The following SLC35F3 variants were observed in gnomAD, a reference collection of about 807,000 sequenced individuals.
SLC35F3 encodes the protein putative thiamine transporter SLC35F3.
In SLC35F3, 25 loss-of-function variants were observed where a neutral mutation model predicts 49.9. The ratio of observed to expected loss-of-function variants is 0.50; its 90% CI spans 0.37 to 0.70. The LOEUF (loss-of-function observed/expected upper bound fraction) is 0.70. SLC35F3 is among the 30% of genes least tolerant of loss of function. SLC35F3 has a pLI of 0.00. For missense variants in SLC35F3, 525 were observed against 639.8 expected (o/e 0.82, Z 1.94); for synonymous variants, 275 against 265.4 (o/e 1.04, Z -0.35).
intron 2 of SLC35F3, among the ~76,000 whole-genome samples, chr1:234,100,341 C>CA (rs1665195924): frequency 6.6e-6 from 1 of 152,138 alleles, no homozygotes; most frequent in South Asian, 2.1e-4. Flanking sequence ...ACAATATTTC[C>CA]AATAACAGTT....
intron 2 of SLC35F3, among the ~76,000 whole-genome samples, chr1:233,923,751 T>C (rs540345024): frequency 6.6e-6 from 1 of 152,306 alleles, no homozygotes; most frequent in African/African-American, 2.4e-5. Flanking sequence ...TGCTTCCAGT[T>C]TTTGCCCATT....
intron 5 of SLC35F3, among the ~76,000 whole-genome samples, chr1:234,317,714 G>A (rs982913015): frequency 6.6e-6 from 1 of 152,136 alleles, no homozygotes; most frequent in Admixed American, 6.5e-5. Flanking sequence ...TTCTTTCTCT[G>A]AGCACCTCTC....
intron 2 of SLC35F3, among the ~76,000 whole-genome samples, chr1:234,219,663 C>A (rs557039017): frequency 6.6e-6 from 1 of 152,184 alleles, no homozygotes. Context: ...ATGGCCCCTG[C>A]GCAGCACTCT....
intron 2 of SLC35F3, among the ~76,000 whole-genome samples, chr1:233,944,219 A>G (rs966935026): frequency 8.5e-5 from 13 of 152,240 alleles, no homozygotes; most frequent in African/African-American, 2.9e-4. Flanking sequence ...TGAGACACAA[A>G]AAAACATCCA....
intron 3 of SLC35F3, among the ~76,000 whole-genome samples, chr1:234,255,934 C>G (rs976056730): frequency 6.6e-5 from 10 of 152,020 alleles, no homozygotes; most frequent in African/African-American, 9.7e-5. Context: ...AAAGAGTAAG[C>G]CCTAATTTAA....
intron 3 of SLC35F3, among the ~76,000 whole-genome samples, chr1:234,237,360 A>G (rs982832672): frequency 6.6e-6 from 1 of 152,208 alleles, no homozygotes; most frequent in Admixed American, 6.5e-5. Context: ...TTGAGACTAC[A>G]TCACACTCTT....
intron 2 of SLC35F3, among the ~76,000 whole-genome samples, chr1:233,964,180 C>G (rs1201947124): frequency 6.6e-6 from 1 of 152,200 alleles, no homozygotes; most frequent in Non-Finnish European, 1.5e-5. Flanking sequence ...TCCACACTTG[C>G]ACCACTCTGA....
chr1:234,187,435 A>G (rs985630631), intron 2 of SLC35F3, among the ~76,000 whole-genome samples: 2 of 152,198 alleles, frequency 1.3e-5, no homozygotes, highest in African/African-American at 4.8e-5. Context: ...TTTCACTCGG[A>G]TGGATAGAGC....
intron 2 of SLC35F3, among the ~76,000 whole-genome samples, chr1:233,933,927 TCTTA>T (rs1268345708): frequency 2.6e-5 from 4 of 152,182 alleles, no homozygotes; most frequent in African/African-American, 4.8e-5. Context: ...GAGGAGGGAC[TCTTA>T]CTTTATTTCC....
intron 2 of SLC35F3, among the ~76,000 whole-genome samples, chr1:233,941,967 T>G (rs910385664): frequency 4.0e-5 from 6 of 149,374 alleles, no homozygotes; most frequent in African/African-American, 9.8e-5. Flanking sequence ...TTTTTGTTTT[T>G]TTTTTTTTTT....
At chr1:233,922,500 T>TTG (rs1662080522) in intron 2 of SLC35F3, among the ~76,000 whole-genome samples, 1 of 150,848 alleles carries the variant, frequency 6.6e-6, no homozygotes, top group Admixed American at 6.6e-5. Context: ...TTTTTTTTTT[T>TTG]TTTTTCTTGT....
intron 2 of SLC35F3, among the ~76,000 whole-genome samples, chr1:234,120,895 T>G (rs1665560564): frequency 6.6e-6 from 1 of 152,222 alleles, no homozygotes; most frequent in Admixed American, 6.5e-5. Context: ...ATCTAATCAA[T>G]TCTCACTAAT....
At chr1:234,114,637 A>G (rs1322845941) in intron 2 of SLC35F3, among the ~76,000 whole-genome samples, 1 of 152,222 alleles carries the variant, frequency 6.6e-6, no homozygotes, top group Non-Finnish European at 1.5e-5. Context: ...AATTCTTTTA[A>G]TGTGTTTTTA....
chr1:234,011,412 T>C (rs1250401531), intron 2 of SLC35F3, among the ~76,000 whole-genome samples: 2 of 152,182 alleles, frequency 1.3e-5, no homozygotes, highest in Non-Finnish European at 2.9e-5. Context: ...TTTACAATAA[T>C]TTATATGTAT....
At chr1:234,112,157 G>A (rs1035168930) in intron 2 of SLC35F3, among the ~76,000 whole-genome samples, 1 of 152,068 alleles carries the variant, frequency 6.6e-6, no homozygotes. Context: ...CCTGGGCAGT[G>A]AGACTTCGTC....
At chr1:233,951,760 A>G (rs1382863401) in intron 2 of SLC35F3, among the ~76,000 whole-genome samples, 3 of 151,776 alleles carry the variant, frequency 2.0e-5, no homozygotes, top group African/African-American at 7.3e-5. Flanking sequence ...TTGTTTTGAG[A>G]GAGAGATGGG....
chr1:234,148,703 GA>G (rs1402957195), intron 2 of SLC35F3, among the ~76,000 whole-genome samples: 3 of 152,168 alleles, frequency 2.0e-5, no homozygotes, highest in Non-Finnish European at 4.4e-5. Context: ...TGACAAAAAC[GA>G]AAGCAGGGAG....
intron 2 of SLC35F3, among the ~76,000 whole-genome samples, chr1:234,043,120 G>A (rs1572030299): frequency 6.6e-6 from 1 of 152,142 alleles, no homozygotes; most frequent in Admixed American, 6.5e-5. Flanking sequence ...ATATGTTGCA[G>A]ATACATTTGA....
chr1:234,225,619 T>C (rs10910387), intron 2 of SLC35F3, among the ~76,000 whole-genome samples: 27,237 of 152,210 alleles, frequency 0.18, 3,997 homozygotes, highest in East Asian at 0.8. Context: ...AAAAGTTCTA[T>C]CTGCCTTGTA....
Sources: gnomAD v4.1 joint callset for allele counts (sites outside exome capture counted in the v4.1 genomes callset) on GRCh38, gnomAD v4.1.1 for gene constraint, MANE v1.5 for transcripts, NCBI Gene and HGNC (gene_info 2026-07-23, HGNC 2026-07-21) for gene names.